The following LRPPRC variants were observed in gnomAD, a reference collection of about 807,000 sequenced individuals.
LRPPRC encodes leucine-rich PPR motif-containing protein, mitochondrial.
In LRPPRC, 120 loss-of-function variants were observed where a neutral mutation model predicts 180.3. That is an observed-to-expected ratio of 0.67 (90% CI 0.57 to 0.77). The LOEUF (loss-of-function observed/expected upper bound fraction) is 0.77, where lower values mean the gene tolerates loss of function less well. Ranked by LOEUF, LRPPRC falls within the 30% of genes least tolerant of loss-of-function variation. The probability of loss-of-function intolerance (pLI) is 0.00; values close to 1 mark genes in which losing one functional copy is unlikely to be tolerated. For synonymous variants in LRPPRC, 723 were observed against 600.0 expected, an observed-to-expected ratio of 1.21 and a Z score of -3.00; for missense variants, 2,012 against 1,657.2, an observed-to-expected ratio of 1.21 and a Z score of -3.72.
chr2:43,947,899 G>T, intron 18 of LRPPRC, 124 bp from the exon 19 acceptor site: 1 of 722,420 alleles, frequency 1.4e-6, no homozygotes, highest in Non-Finnish European at 2.5e-6. Flanking sequence ...CAAAATTTTA[G>T]ACATTCTCTT....
intron 29 of LRPPRC, among the ~76,000 whole-genome samples, chr2:43,914,284 G>A (rs929524259): frequency 2.6e-5 from 4 of 151,750 alleles, no homozygotes; most frequent in African/African-American, 2.4e-5. Context: ...CCCATTCACC[G>A]CACGTTTGTT....
At chr2:43,937,567 T>C (rs1315858616) in intron 23 of LRPPRC, among the ~76,000 whole-genome samples, 1 of 152,222 alleles carries the variant, frequency 6.6e-6, no homozygotes, top group Non-Finnish European at 1.5e-5. Context: ...GATAGCTATG[T>C]AGTCATAGGA....
intron 30 of LRPPRC, 36 bp downstream of exon 30, chr2:43,912,396 T>C: frequency 6.3e-7 from 1 of 1,593,886 alleles, no homozygotes. Flanking sequence ...ATATTCTTTT[T>C]TAAACAAGAG....
chr2:43,970,950 A>T (rs1673778296), intron 11 of LRPPRC, among the ~76,000 whole-genome samples: 2 of 152,160 alleles, frequency 1.3e-5, no homozygotes, highest in South Asian at 4.1e-4. Context: ...AATACCAAAA[A>T]TTAGCTGGGT....
chr2:43,969,765 G>T (rs1673721724), intron 11 of LRPPRC, among the ~76,000 whole-genome samples: 1 of 151,980 alleles, frequency 6.6e-6, no homozygotes, highest in Admixed American at 6.6e-5. Context: ...TACGATCAAG[G>T]CTCAATTGCT....
chr2:43,934,816 G>C lies in LRPPRC; in HGVS notation c.2567C>G (p.Pro856Arg). 3 of 1,610,506 alleles carry C rather than the reference G, an allele frequency of 1.9e-6. No homozygotes were observed. Among genetic ancestry groups the C allele is most frequent in the Non-Finnish European group, 2.5e-6 (3 of 1,176,878 alleles). ...TTTACACAAGACATCATGAATCCTT[G>C]GTAATACTTTATACTTTTCATAGCA... ...IDCYEKYKVL[P>R]RIHDVLCKLV... Residue 856 changes from proline (P) to arginine (R), a missense_variant, in exon 24 of 38, where the codon CCA becomes CGA. Pro to Arg is a moderately radical substitution (Grantham distance 103). Transcript: ENST00000260665.
At chr2:43,913,268 T>C (rs1039439384) in intron 29 of LRPPRC, among the ~76,000 whole-genome samples, 3 of 152,208 alleles carry the variant, frequency 2.0e-5, no homozygotes, top group East Asian at 1.9e-4. Context: ...CAGTCACTTA[T>C]ACTTTTCTGA....
intron 1 of LRPPRC, among the ~76,000 whole-genome samples, chr2:43,989,139 C>A (rs1029376299): frequency 1.3e-5 from 2 of 152,124 alleles, no homozygotes; most frequent in Non-Finnish European, 2.9e-5. Context: ...TCTCAAAGTG[C>A]GGAGATTACT....
chr2:43,955,897 G>C (rs1673094791), intron 14 of LRPPRC, among the ~76,000 whole-genome samples: 1 of 152,136 alleles, frequency 6.6e-6, no homozygotes, highest in Non-Finnish European at 1.5e-5. Flanking sequence ...AAGTGGACAA[G>C]GGGCCTCTGC....
chr2:43,995,726 T>A lies in LRPPRC; in HGVS notation c.149+73A>T, dbSNP rs984438110. On this transcript the variant is annotated intron_variant, in intron 1 of 37. Transcript: ENST00000260665. ...GGTGGCGAGCACAGGCAGGACCCGG[T>A]CCCTGCCGGCACCCACGACCCCGGG... 183 of 1,293,422 alleles carry A rather than the reference T, an allele frequency of 1.4e-4. No homozygotes were observed. In the African/African-American group the frequency reaches 2.7e-3, roughly 19 times the overall value. 80.1% of individuals were successfully genotyped at this position (1,293,422 alleles called of 1,614,324 possible). A position where few individuals can be genotyped will look rare whatever the true frequency, so the allele number is the denominator to read the frequency against.
chr2:43,952,238 G>A (rs747229770), intron 14 of LRPPRC, among the ~76,000 whole-genome samples: 2 of 151,552 alleles, frequency 1.3e-5, no homozygotes, highest in South Asian at 2.1e-4. Context: ...GCCCTCAAAC[G>A]TGGCATGAAG....
At chr2:43,970,883 G>A (rs1475941666) in intron 11 of LRPPRC, among the ~76,000 whole-genome samples, 1 of 152,150 alleles carries the variant, frequency 6.6e-6, no homozygotes, top group Non-Finnish European at 1.5e-5. Flanking sequence ...GTGATCACGT[G>A]AGGTCAGGAG....
At position 43,995,980 on chromosome 2, in the gene LRPPRC, C is replaced by A. The variant is rs1162042995; in HGVS notation, c.-33G>T. 25 of 1,523,526 alleles carry A rather than the reference C, an allele frequency of 1.6e-5. No homozygotes were observed. Among genetic ancestry groups the A allele is most frequent in the Non-Finnish European group, 2.0e-5 (23 of 1,142,006 alleles). 94.4% of individuals were successfully genotyped at this position (1,523,526 alleles called of 1,614,324 possible). ...ACGTCCCCGCAGCGGGAAGCACGCTCCGCCAGAAGGACAGGAGGAGCATGT... is the reference window on the plus strand; with the variant it reads ...ACGTCCCCGCAGCGGGAAGCACGCTACGCCAGAAGGACAGGAGGAGCATGT... On this transcript the variant is annotated 5_prime_UTR_variant, in exon 1 of 38. Transcript: ENST00000260665.
chr2:43,979,750 T>C, intron 3 of LRPPRC, 76 bp downstream of exon 3: 3 of 1,316,894 alleles, frequency 2.3e-6, no homozygotes, highest in Non-Finnish European at 3.3e-6. Context: ...ACAGCATTTA[T>C]GTAAACAAAC....
At chr2:43,914,528 C>T (rs1348826948) in intron 29 of LRPPRC, among the ~76,000 whole-genome samples, 1 of 151,444 alleles carries the variant, frequency 6.6e-6, no homozygotes, top group Non-Finnish European at 1.5e-5. Flanking sequence ...GGGAGTTCGA[C>T]ACCAGCCTAG....
At chr2:43,969,721 T>C (rs754838462) in intron 11 of LRPPRC, among the ~76,000 whole-genome samples, 22 of 152,202 alleles carry the variant, frequency 1.4e-4, no homozygotes, top group Non-Finnish European at 3.1e-4. Context: ...TGAAACAGCA[T>C]CTCACTTTGT....
At chr2:43,928,185 T>C (rs1001704169) in intron 25 of LRPPRC, among the ~76,000 whole-genome samples, 1 of 152,196 alleles carries the variant, frequency 6.6e-6, no homozygotes, top group East Asian at 1.9e-4. Flanking sequence ...CTTTCTGCAG[T>C]TGCAATTCAC....
chr2:43,960,430 TAAC>T, intron 13 of LRPPRC, 108 bp downstream of exon 13: 1 of 743,276 alleles, frequency 1.3e-6, no homozygotes, highest in Non-Finnish European at 2.5e-6. Flanking sequence ...AGTCTGGCTT[TAAC>T]AAAACATATA....
chr2:43,964,021 T>C (rs1325090287), intron 11 of LRPPRC, among the ~76,000 whole-genome samples: 1 of 152,198 alleles, frequency 6.6e-6, no homozygotes, highest in African/African-American at 2.4e-5. Flanking sequence ...AATACAACAC[T>C]GCTATTATAG....
Sources: allele counts gnomAD v4.1 joint callset (sites outside exome capture counted in the v4.1 genomes callset), GRCh38; gene constraint gnomAD v4.1.1; transcripts MANE v1.5; gene names NCBI Gene and HGNC (gene_info 2026-07-23, HGNC 2026-07-21).